Variants in USP34 observed in about 807,000 individuals in gnomAD.
The protein encoded by USP34 is ubiquitin carboxyl-terminal hydrolase 34.
Under a neutral mutation model 460.3 loss-of-function variants are expected in USP34, and 70 were observed. The observed-to-expected ratio is 0.15, with a 90% CI of 0.13 to 0.19. The LOEUF is 0.19. USP34 is among the 10% of genes least tolerant of loss of function. USP34 has a pLI of 1.00. For synonymous variants in USP34, 1,647 were observed against 1,405.3 expected (o/e 1.17, Z -3.85); for missense variants, 3,985 against 4,236.2 (o/e 0.94, Z 1.65).
chr2:61,395,199 G>A lies in USP34; in HGVS notation c.587C>T (p.Ala196Val). 6.7e-7 allele frequency: 1 copy of A among 1,502,758 alleles called. No homozygotes were observed. Among genetic ancestry groups the A allele is most frequent in the South Asian group, 1.2e-5 (1 of 82,674 alleles). 93.1% of individuals were successfully genotyped at this position (1,502,758 alleles called of 1,614,324 possible). Residue 196 changes from alanine to valine, a missense_variant, in exon 4 of 80, where the codon GCA (alanine) becomes GTA (valine). Transcript: ENST00000398571. ...AACACTTACATTCATATCACAGAAT[G>A]CCCCTAATATGTTACTTTCTTGAGT... is the stretch of plus-strand genomic sequence containing the variant. ...ISTQESNILG[A>V]FCDMNDVEVP...
chr2:61,406,207 C>T (rs1693865487), intron 2 of USP34, 79 bp from the exon 3 acceptor site: 2 of 1,221,556 alleles, frequency 1.6e-6, no homozygotes, highest in South Asian at 1.8e-5. Context: ...AACAAGTAAG[C>T]AAATACTAAG....
At chr2:61,221,339 A>G (rs967673568) in intron 66 of USP34, among the ~76,000 whole-genome samples, 163 bp downstream of exon 66, 2 of 152,216 alleles carry the variant, frequency 1.3e-5, no homozygotes, top group African/African-American at 2.4e-5. Context: ...TGTCTTTAAT[A>G]CAACTAGGAG....
chr2:61,193,038 C>T (rs1246468907), intron 75 of USP34, 58 bp from the exon 76 acceptor site: 2 of 1,347,416 alleles, frequency 1.5e-6, no homozygotes, highest in African/African-American at 1.5e-5. Flanking sequence ...TAGTGAGATA[C>T]TCAACTCTGC....
At chr2:61,431,722 T>A (rs1178657863) in intron 1 of USP34, among the ~76,000 whole-genome samples, 1 of 151,986 alleles carries the variant, frequency 6.6e-6, no homozygotes, top group East Asian at 2.0e-4. Flanking sequence ...GGGCATGGTG[T>A]TAGGCGCCTG....
intron 1 of USP34, among the ~76,000 whole-genome samples, chr2:61,442,283 A>C (rs1694987349): frequency 6.6e-6 from 1 of 152,172 alleles, no homozygotes; most frequent in Non-Finnish European, 1.5e-5. Flanking sequence ...ACTTCTGTAT[A>C]GCAAAGGCAA....
intron 75 of USP34, among the ~76,000 whole-genome samples, chr2:61,199,273 G>A (rs1272143053): frequency 2.1e-5 from 3 of 143,724 alleles, no homozygotes; most frequent in Non-Finnish European, 4.6e-5. Flanking sequence ...TTTTTTTTTT[G>A]AGACGGAGTT....
At chr2:61,468,279 G>A (rs566306283) in intron 1 of USP34, among the ~76,000 whole-genome samples, 3 of 152,330 alleles carry the variant, frequency 2.0e-5, no homozygotes, top group East Asian at 3.9e-4. Flanking sequence ...TCCGCCTCCG[G>A]GTTCAAGCAA....
intron 75 of USP34, chr2:61,200,369 C>T (rs1686939430): frequency 6.6e-6 from 1 of 152,338 alleles, no homozygotes; most frequent in South Asian, 2.1e-4. Context: ...CCCTTTCTTT[C>T]CGTTTCCTCC....
intron 19 of USP34, 115 bp downstream of exon 19, chr2:61,333,767 G>T: frequency 1.6e-6 from 1 of 615,624 alleles, no homozygotes; most frequent in Non-Finnish European, 2.5e-6. Context: ...CAAACCACAT[G>T]AAACTCAAAT....
chr2:61,470,794 G>A lies in USP34; in HGVS notation c.-102C>T, dbSNP rs1401728567. 1.3e-4 allele frequency: 129 copies of A among 964,722 alleles called. No homozygotes were observed. The highest frequency in any genetic ancestry group is 1.9e-4 in the Non-Finnish European group (127 of 651,400). 59.8% of individuals were successfully genotyped at this position (964,722 alleles called of 1,614,324 possible). On this transcript the variant is annotated 5_prime_UTR_variant, in exon 1 of 80. Transcript: ENST00000398571. ...AGGCGGAGGAGGGGGCCGGCCGGCC[G>A]GCGGGGCGGGGAGGCGACTAGGGCG...
intron 75 of USP34, among the ~76,000 whole-genome samples, chr2:61,198,964 T>G (rs1351112709): frequency 6.6e-6 from 1 of 152,222 alleles, no homozygotes; most frequent in Non-Finnish European, 1.5e-5. Flanking sequence ...CTTTGCTGAT[T>G]TTACTTAACG....
Position 61,281,253 on chromosome 2 carries a change from A to G in USP34, c.4999-11T>C. ...ATGACGAACTGCAGTCTAGATGAAA[A>G]AGAAAGTTCCACAAACAGTGAGAGT... On this transcript the variant is annotated splice_polypyrimidine_tract_variant and intron_variant, in intron 37 of 79. Transcript: ENST00000398571. 1.2e-6 allele frequency: 2 copies of G among 1,604,522 alleles called. No homozygotes were observed. The highest frequency in any genetic ancestry group is 1.7e-6 in the Non-Finnish European group (2 of 1,176,556).
Position 61,470,571 on chromosome 2 carries a change from C to T in USP34, c.43+79G>A, listed in dbSNP as rs1695925251. 6 of 1,031,538 alleles carry T rather than the reference C, an allele frequency of 5.8e-6. No homozygotes were observed. In the Middle Eastern group the frequency reaches 6.7e-4, roughly 116 times the overall value. 63.9% of individuals were successfully genotyped at this position (1,031,538 alleles called of 1,614,324 possible). ...CCCGGCCGTCGCCTCCCGCAGGCCGCGGCAGCCCGGGGAGGCCAGAGAGCT... is the reference window on the plus strand; with the variant it reads ...CCCGGCCGTCGCCTCCCGCAGGCCGTGGCAGCCCGGGGAGGCCAGAGAGCT... On this transcript the variant is annotated intron_variant, in intron 1 of 79. Coordinates refer to ENST00000398571, the MANE Select transcript of USP34 (RefSeq NM_014709.4).
chr2:61,292,878 A>G (rs968645272), intron 33 of USP34, among the ~76,000 whole-genome samples: 43 of 152,046 alleles, frequency 2.8e-4, no homozygotes, highest in Admixed American at 7.2e-4. Context: ...TAAAGTTAAC[A>G]TTTTTTAAAA....
intron 10 of USP34, among the ~76,000 whole-genome samples, chr2:61,363,991 G>C (rs1310456326): frequency 1.3e-5 from 2 of 152,180 alleles, no homozygotes; most frequent in African/African-American, 4.8e-5. Context: ...CATTATGTTA[G>C]TAAAGTAAGC....
At chr2:61,320,695 T>C (rs570256464) in intron 21 of USP34, among the ~76,000 whole-genome samples, 26 of 151,976 alleles carry the variant, frequency 1.7e-4, no homozygotes, top group Non-Finnish European at 3.1e-4. Flanking sequence ...GAAGACATTG[T>C]CTTTACAAAA....
chr2:61,293,004 A>G (rs1316125958), intron 33 of USP34, among the ~76,000 whole-genome samples: 2 of 152,174 alleles, frequency 1.3e-5, no homozygotes, highest in Admixed American at 1.3e-4. Flanking sequence ...AAAAATTTCT[A>G]GAGGCTTACT....
chr2:61,401,201 ATCTG>A (rs1693708403), intron 3 of USP34, among the ~76,000 whole-genome samples: 1 of 151,246 alleles, frequency 6.6e-6, no homozygotes, highest in Admixed American at 6.6e-5. Context: ...TATATATTTC[ATCTG>A]TCTGATTATA....
intron 52 of USP34, 43 bp downstream of exon 52, chr2:61,241,723 G>T (rs1299601069): frequency 3.3e-6 from 5 of 1,493,014 alleles, no homozygotes; most frequent in Admixed American, 2.3e-5. Context: ...AGACAATGCA[G>T]AAGAAAAAAC....
Sources: allele counts gnomAD v4.1 joint callset (sites outside exome capture counted in the v4.1 genomes callset), GRCh38; gene constraint gnomAD v4.1.1; transcripts MANE v1.5; gene names NCBI Gene and HGNC (gene_info 2026-07-23, HGNC 2026-07-21).